Variants in OLFM2 observed in about 807,000 individuals in gnomAD.
OLFM2 encodes the protein noelin-2.
In OLFM2, 20 loss-of-function variants were observed where a neutral mutation model predicts 43.9. The ratio of observed to expected loss-of-function variants is 0.46; its 90% CI spans 0.32 to 0.66. The LOEUF (loss-of-function observed/expected upper bound fraction) is 0.66, where lower values mean the gene tolerates loss of function less well. Among genes scored for constraint, OLFM2 ranks in the 30% least tolerant of loss-of-function variants. The pLI is 0.04. For synonymous variants in OLFM2, 268 were observed against 278.6 expected, an observed-to-expected ratio of 0.96 and a Z score of 0.38; for missense variants, 416 against 643.6, an observed-to-expected ratio of 0.65 and a Z score of 3.83.
At chr19:9,888,344 G>T (rs533486965) in intron 1 of OLFM2, among the ~76,000 whole-genome samples, 41 of 151,960 alleles carry the variant, frequency 2.7e-4, no homozygotes, top group African/African-American at 9.9e-4. Context: ...CTAACATGGT[G>T]AAACCCCCGT....
At chr19:9,913,103 C>T (rs2046841738) in intron 1 of OLFM2, among the ~76,000 whole-genome samples, 2 of 152,044 alleles carry the variant, frequency 1.3e-5, no homozygotes, top group Admixed American at 6.6e-5. Flanking sequence ...CCGAGTCTCA[C>T]CCTCCTCCCG....
intron 1 of OLFM2, among the ~76,000 whole-genome samples, chr19:9,931,077 C>T (rs1487583711): frequency 6.6e-6 from 1 of 152,112 alleles, no homozygotes; most frequent in African/African-American, 2.4e-5. Context: ...AATCTTAAAT[C>T]CAGCCCCAAG....
chr19:9,927,022 G>A (rs138614451), intron 1 of OLFM2, among the ~76,000 whole-genome samples: 2,846 of 151,558 alleles, frequency 0.019, 92 homozygotes, highest in African/African-American at 0.065. Context: ...GGTGGCTGAC[G>A]CCTGTAATCC....
Position 9,881,665 on chromosome 19 carries a change from A to T in OLFM2, c.64-20871T>A, listed in dbSNP as rs1599478165. Among the ~76,000 whole-genome samples, 3 of 145,736 alleles carry T rather than the reference A, an allele frequency of 2.1e-5. No homozygotes were observed. In the Admixed American group the frequency reaches 2.1e-4, roughly 10 times the overall value. ...TGCCACCATGTCCCACTAATTTTTAATTTTTTTTTTTTTACAGTTGGGGGG... is the reference window on the plus strand; with the variant it reads ...TGCCACCATGTCCCACTAATTTTTATTTTTTTTTTTTTTACAGTTGGGGGG... On this transcript the variant is annotated intron_variant, in intron 1 of 5. Transcript: ENST00000264833.
chr19:9,920,285 AG>A (rs1473638859), intron 1 of OLFM2, among the ~76,000 whole-genome samples: 1 of 152,016 alleles, frequency 6.6e-6, no homozygotes, highest in Non-Finnish European at 1.5e-5. Context: ...CCTGTACAAA[AG>A]GGGGAGGCAT....
chr19:9,886,248 C>G (rs1312631468), intron 1 of OLFM2, among the ~76,000 whole-genome samples: 1 of 152,074 alleles, frequency 6.6e-6, no homozygotes, highest in African/African-American at 2.4e-5. Flanking sequence ...TCTTGTTGCC[C>G]AGGCTGGAGT....
intron 2 of OLFM2, 186 bp from the exon 3 acceptor site, chr19:9,858,047 T>C: frequency 1.4e-6 from 1 of 706,742 alleles, no homozygotes; most frequent in Non-Finnish European, 2.5e-6. Context: ...CATCGCTCCC[T>C]CCCTACTACC....
intron 1 of OLFM2, among the ~76,000 whole-genome samples, chr19:9,891,305 T>C (rs1431055345): frequency 3.0e-5 from 3 of 101,036 alleles, no homozygotes; most frequent in Admixed American, 1.3e-4. Flanking sequence ...AGAGCGAGAC[T>C]CCATCTCGGA....
At chr19:9,930,282 T>G (rs1188239445) in intron 1 of OLFM2, among the ~76,000 whole-genome samples, 2 of 152,228 alleles carry the variant, frequency 1.3e-5, no homozygotes, top group Non-Finnish European at 2.9e-5. Context: ...TAAAAATTTG[T>G]TTTTATTCAT....
At chr19:9,915,731 G>C (rs890152086) in intron 1 of OLFM2, among the ~76,000 whole-genome samples, 3 of 151,736 alleles carry the variant, frequency 2.0e-5, no homozygotes, top group African/African-American at 7.3e-5. Flanking sequence ...TGTTAGCCAG[G>C]ATGGTCTCAA....
chr19:9,859,039 A>G (rs1391419502), intron 2 of OLFM2, among the ~76,000 whole-genome samples: 3 of 152,158 alleles, frequency 2.0e-5, no homozygotes, highest in African/African-American at 7.2e-5. Context: ...CACCAGCTTC[A>G]CCTGACTAAA....
intron 1 of OLFM2, among the ~76,000 whole-genome samples, chr19:9,879,857 A>G (rs1401218237): frequency 6.6e-6 from 1 of 151,270 alleles, no homozygotes; most frequent in South Asian, 2.1e-4. Flanking sequence ...GCTCACTGCA[A>G]CCTCCGTCTC....
chr19:9,890,173 T>C (rs2046625909), intron 1 of OLFM2, among the ~76,000 whole-genome samples: 1 of 152,114 alleles, frequency 6.6e-6, no homozygotes, highest in Non-Finnish European at 1.5e-5. Context: ...GGTGGAGACA[T>C]CTACCAGCAC....
rs1009428668 is a variant in OLFM2, at chr19:9,857,156, A to C, written c.580+107T>G. 2 of 1,155,508 alleles carry C rather than the reference A, an allele frequency of 1.7e-6. No homozygotes were observed. The highest frequency in any genetic ancestry group is 2.6e-6 in the Non-Finnish European group (2 of 778,966). The allele number at this position is 1,155,508 out of a possible 1,614,324, so 71.6% of individuals were successfully genotyped here. ...TAGGAAGGTCAAGGGTTGAGGTTTA[A>C]AAGTTAGAGGTCAAAACTGTGTCCA... On this transcript the variant is annotated intron_variant, in intron 4 of 5. Coordinates refer to ENST00000264833, the MANE Select transcript of OLFM2 (RefSeq NM_058164.4). The surrounding 1 kb of genome is among the most constrained non-coding windows in gnomAD (Gnocchi z 5.7).
rs574888658 is a variant in OLFM2 at position 9,887,468 on chromosome 19, C to T, written c.64-26674G>A. Among the ~76,000 whole-genome samples the T allele has an allele frequency of 7.2e-5, 11 of 151,840 alleles. No homozygotes were observed. In the East Asian group the frequency reaches 2.1e-3, roughly 29 times the overall value. ...TGTTGGGATTACAGGCATGAACCAC[C>T]GCACCGCCCACCCTCTCTTTCTCTT... On this transcript the variant is annotated intron_variant, in intron 1 of 5. Coordinates refer to ENST00000264833, the MANE Select transcript of OLFM2 (RefSeq NM_058164.4).
chr19:9,928,815 A>AG, intron 1 of OLFM2, among the ~76,000 whole-genome samples: 1 of 152,038 alleles, frequency 6.6e-6, no homozygotes, highest in East Asian at 1.9e-4. Context: ...AAAAAAAAAA[A>AG]AAGAGAGAAA....
intron 1 of OLFM2, among the ~76,000 whole-genome samples, chr19:9,894,623 G>A (rs1285883680): frequency 6.7e-6 from 1 of 150,120 alleles, no homozygotes; most frequent in Admixed American, 6.7e-5. Flanking sequence ...CCACGAGAAT[G>A]GCTTGAACCC....
chr19:9,933,088 C>T (rs557122135), intron 1 of OLFM2, among the ~76,000 whole-genome samples: 1 of 152,310 alleles, frequency 6.6e-6, no homozygotes, highest in African/African-American at 2.4e-5. Flanking sequence ...AGGGCCTTTG[C>T]ACCTTCTGTT....
chr19:9,902,382 C>CTTT (rs376869987), intron 1 of OLFM2, among the ~76,000 whole-genome samples: 6 of 122,668 alleles, frequency 4.9e-5, no homozygotes, highest in South Asian at 2.8e-4. Context: ...TTGCCTTCAT[C>CTTT]TTTTTTTTTT....
Sources: allele counts gnomAD v4.1 joint callset (sites outside exome capture counted in the v4.1 genomes callset), GRCh38; gene constraint gnomAD v4.1.1; non-coding constraint Gnocchi (gnomAD v3.1); transcripts MANE v1.5; gene names NCBI Gene and HGNC (gene_info 2026-07-23, HGNC 2026-07-21).